SPON2: variants seen among roughly 807,000 people sequenced by gnomAD.
SPON2 encodes the protein spondin-2.
A neutral mutation model predicts 29.9 loss-of-function variants in SPON2; 32 were observed. The ratio of observed to expected loss-of-function variants is 1.07; its 90% confidence interval spans 0.81 to 1.44. SPON2 has a LOEUF of 1.44. Ranked by LOEUF, SPON2 falls within the 40% of genes most tolerant of loss-of-function variation. The pLI is 0.00. For missense variants in SPON2, 541 were observed against 455.5 expected (o/e 1.19, Z -1.71); for synonymous variants, 248 against 209.1 (o/e 1.19, Z -1.61).
intron 1 of SPON2, among the ~76,000 whole-genome samples, chr4:1,206,225 A>G (rs908143716): frequency 3.9e-5 from 6 of 152,066 alleles, no homozygotes; most frequent in African/African-American, 1.2e-4. Flanking sequence ...AGCGGGCAGC[A>G]GCTGGACCCC....
Position 1,167,438 on chromosome 4 carries a change from T to C in SPON2, c.*34A>G. On this transcript the variant is annotated 3_prime_UTR_variant, in exon 6 of 6. Coordinates refer to ENST00000290902, the MANE Select transcript of SPON2 (RefSeq NM_012445.4). ...ACAGGAGCCCCCGACACCCCATGGC[T>C]CCGGGGGGCCCCAGGGGCTGCGGGG... is the stretch of plus-strand genomic sequence containing the variant. The C allele has an allele frequency of 2.5e-6, 4 of 1,593,924 alleles. No homozygotes were observed. Among genetic ancestry groups the C allele is most frequent in the Non-Finnish European group, 3.4e-6 (4 of 1,168,470 alleles).
chr4:1,186,464 C>T (rs1431851605), intron 1 of SPON2, among the ~76,000 whole-genome samples: 11 of 151,984 alleles, frequency 7.2e-5, no homozygotes, highest in African/African-American at 1.4e-4. Flanking sequence ...CTGCCGTGCC[C>T]GGCTAATTTT....
At chr4:1,175,015 GC>G (rs1423540263), upstream of SPON2, among the ~76,000 whole-genome samples, 6 of 152,212 alleles carry the variant, frequency 3.9e-5, no homozygotes, top group African/African-American at 1.4e-4. Flanking sequence ...AGGATCTCAG[GC>G]CCTCCACGAG....
intron 1 of SPON2, among the ~76,000 whole-genome samples, chr4:1,194,689 C>T (rs1728002286): frequency 6.6e-6 from 1 of 152,160 alleles, no homozygotes; most frequent in African/African-American, 2.4e-5. Context: ...GGGACACCCT[C>T]CCCAGCCTCG....
intron 5 of SPON2, 147 bp from the exon 6 acceptor site, chr4:1,167,803 AGT>A: frequency 1.3e-6 from 1 of 787,918 alleles, no homozygotes; most frequent in Non-Finnish European, 1.9e-6. Context: ...ACAGTCGCAG[AGT>A]GAGCGGCAAG....
chr4:1,171,559 C>G (rs1479316691), intron 2 of SPON2, 73 bp from the exon 3 acceptor site: 3 of 1,437,496 alleles, frequency 2.1e-6, no homozygotes, highest in East Asian at 4.7e-5. Context: ...AGGGGGCGCC[C>G]CAGGAAATCC....
chr4:1,179,412 G>C (rs1331671189), intron 2 of SPON2: 1 of 152,168 alleles, frequency 6.6e-6, no homozygotes, highest in Non-Finnish European at 1.5e-5. Context: ...CCTCGAATAT[G>C]AGCCTATCCA....
At chr4:1,206,108 T>C (rs1728335046) in intron 1 of SPON2, among the ~76,000 whole-genome samples, 1 of 152,134 alleles carries the variant, frequency 6.6e-6, no homozygotes, top group African/African-American at 2.4e-5. Context: ...CCCCTGGTAC[T>C]GGGCTGGGGG....
intron 1 of SPON2, among the ~76,000 whole-genome samples, chr4:1,206,904 T>C (rs1209777188): frequency 9.4e-6 from 1 of 106,676 alleles, no homozygotes; most frequent in Non-Finnish European, 1.9e-5. Flanking sequence ...GGGAGACACA[T>C]GGAGGGTGGG....
chr4:1,178,007 C>T (rs148102059), upstream of SPON2, among the ~76,000 whole-genome samples: 20 of 152,342 alleles, frequency 1.3e-4, no homozygotes, highest in East Asian at 3.5e-3. Flanking sequence ...TGTCCACTCA[C>T]GGACATGTAC....
intron 1 of SPON2, among the ~76,000 whole-genome samples, chr4:1,192,681 C>T (rs967431786): frequency 1.3e-5 from 2 of 152,298 alleles, no homozygotes; most frequent in African/African-American, 2.4e-5. Flanking sequence ...CACAGAAGCT[C>T]GCAGCCTGGA....
chr4:1,180,671 T>C (rs902378030), intron 1 of SPON2, among the ~76,000 whole-genome samples: 2 of 152,198 alleles, frequency 1.3e-5, no homozygotes, highest in Non-Finnish European at 2.9e-5. Context: ...ACATAGAGAA[T>C]ATCAGTAAAG....
At chr4:1,186,052 G>A (rs982853725) in intron 1 of SPON2, among the ~76,000 whole-genome samples, 4 of 149,064 alleles carry the variant, frequency 2.7e-5, no homozygotes, top group Admixed American at 6.8e-5. Context: ...AGACCATCCT[G>A]GCTAACACGG....
chr4:1,192,014 A>T (rs4974645), intron 1 of SPON2, among the ~76,000 whole-genome samples: 3 of 152,198 alleles, frequency 2.0e-5, no homozygotes, highest in Non-Finnish European at 4.4e-5. Context: ...ACTCAGCCCC[A>T]TGAGGATGTG....
chr4:1,171,334 A>G lies in SPON2; in HGVS notation c.373T>C (p.Ser125Pro), dbSNP rs1446110298. The change falls in exon 3 of 6, where the codon TCG becomes CCG. Residue 125 changes from serine to proline, a missense_variant. Transcript: ENST00000290902. ...GTGCCGCTGGGGACGGCGGGCGCCG[A>G]AAACACCGCGTGCACGCTCTGCAGC... ...EALQSVHAVF[S>P]APAVPSGTGQ... is the part of the protein sequence containing the mutation. 3.1e-6 allele frequency: 5 copies of G among 1,605,806 alleles called. No homozygotes were observed. The highest frequency in any genetic ancestry group is 4.2e-6 in the Non-Finnish European group (5 of 1,178,514).
intron 1 of SPON2, among the ~76,000 whole-genome samples, chr4:1,189,065 A>T (rs1312842215): frequency 5.3e-5 from 8 of 152,242 alleles, no homozygotes; most frequent in Admixed American, 5.2e-4. Context: ...TTAATAAAAC[A>T]CTGAACTCCT....
At chr4:1,180,468 TTG>T (rs761401669) in intron 1 of SPON2, among the ~76,000 whole-genome samples, 4 of 152,174 alleles carry the variant, frequency 2.6e-5, no homozygotes, top group Non-Finnish European at 4.4e-5. Flanking sequence ...CAACAAAAAA[TTG>T]TGAGATGTGA....
rs913202697 is a variant in SPON2 at position 1,172,128 on chromosome 4, G to T, written c.-3-54C>A. The T allele has an allele frequency of 3.3e-6, 5 of 1,528,922 alleles. No individual in the cohort carries two copies. The African/African-American group carries it at 6.8e-5, about 21-fold the overall frequency. The allele number at this position is 1,528,922 out of a possible 1,614,324, so 94.7% of individuals were successfully genotyped here. A position where few individuals can be genotyped will look rare whatever the true frequency, so the allele number is the denominator to read the frequency against. ...GCTGGCACCGTCGTGGCAGCCTCGG[G>T]GTGGAAAGCCGAGAGGGCTGCGGCA... On this transcript the variant is annotated intron_variant, in intron 1 of 5. Transcript: ENST00000290902.
At chr4:1,203,107 C>T (rs934842318) in intron 1 of SPON2, among the ~76,000 whole-genome samples, 1 of 152,240 alleles carries the variant, frequency 6.6e-6, no homozygotes, top group African/African-American at 2.4e-5. Flanking sequence ...TGGAGCTGCC[C>T]TCAGCAGACC....
Sources: gnomAD v4.1 joint callset for allele counts (sites outside exome capture counted in the v4.1 genomes callset) on GRCh38, gnomAD v4.1.1 for gene constraint, MANE v1.5 for transcripts, NCBI Gene and HGNC (gene_info 2026-07-23, HGNC 2026-07-21) for gene names.